Variants in SLC35F3 observed in about 807,000 individuals in gnomAD.
The protein encoded by SLC35F3 is putative thiamine transporter SLC35F3.
Under a neutral mutation model 49.9 loss-of-function variants are expected in SLC35F3, and 25 were observed. The observed-to-expected ratio is 0.50, with a 90% CI of 0.37 to 0.70. SLC35F3 has a LOEUF of 0.70. Ranked by LOEUF, SLC35F3 falls within the 30% of genes least tolerant of loss-of-function variation. The pLI is 0.00. For synonymous variants in SLC35F3, 275 were observed against 265.4 expected (o/e 1.04, Z -0.35); for missense variants, 525 against 639.8 (o/e 0.82, Z 1.94).
intron 2 of SLC35F3, among the ~76,000 whole-genome samples, chr1:234,177,680 T>C (rs1666496907): frequency 6.6e-6 from 1 of 152,060 alleles, no homozygotes; most frequent in South Asian, 2.1e-4. Flanking sequence ...CTGTTTAAGG[T>C]AGAAGTTAGG....
intron 2 of SLC35F3, among the ~76,000 whole-genome samples, chr1:234,034,355 T>C (rs1357873630): frequency 6.6e-6 from 1 of 152,196 alleles, no homozygotes; most frequent in Non-Finnish European, 1.5e-5. Context: ...GTCTGATTGT[T>C]CCAGCTAGGA....
chr1:234,079,948 T>G (rs1023025782), intron 2 of SLC35F3, among the ~76,000 whole-genome samples: 4 of 152,138 alleles, frequency 2.6e-5, no homozygotes, highest in Non-Finnish European at 4.4e-5. Flanking sequence ...ATTTCTTGAG[T>G]GATGGGGTGA....
intron 2 of SLC35F3, among the ~76,000 whole-genome samples, chr1:234,077,147 GGCGCCCGCCACC>G (rs1664804957): frequency 6.6e-6 from 1 of 151,622 alleles, no homozygotes; most frequent in South Asian, 2.1e-4. Context: ...TGGGACTACA[GGCGCCCGCCACC>G]GCGCCCGGCT....
intron 3 of SLC35F3, among the ~76,000 whole-genome samples, chr1:234,295,829 G>A (rs746642813): frequency 6.6e-6 from 1 of 152,216 alleles, no homozygotes. Context: ...CCCATTCTGG[G>A]ACTCTGACGG....
At chr1:234,264,909 C>G (rs766937441) in intron 3 of SLC35F3, among the ~76,000 whole-genome samples, 3 of 152,228 alleles carry the variant, frequency 2.0e-5, no homozygotes, top group Non-Finnish European at 4.4e-5. Flanking sequence ...ACCTGGGACA[C>G]TGAACTTTTT....
intron 2 of SLC35F3, among the ~76,000 whole-genome samples, chr1:234,055,396 C>T (rs552286850): frequency 6.6e-6 from 1 of 152,144 alleles, no homozygotes; most frequent in African/African-American, 2.4e-5. Flanking sequence ...CCTTGCAGTT[C>T]GATTTCAGAC....
intron 2 of SLC35F3, among the ~76,000 whole-genome samples, chr1:233,929,603 T>C (rs1662211142): frequency 6.6e-6 from 1 of 152,218 alleles, no homozygotes; most frequent in African/African-American, 2.4e-5. Context: ...GGATTAATTA[T>C]GTTGAACACT....
chr1:233,951,647 T>A (rs1291261673), intron 2 of SLC35F3, among the ~76,000 whole-genome samples: 1 of 152,164 alleles, frequency 6.6e-6, no homozygotes, highest in East Asian at 1.9e-4. Context: ...GTCTCAGAGC[T>A]GACTCTTCTG....
chr1:234,163,809 A>C (rs898869768), intron 2 of SLC35F3, among the ~76,000 whole-genome samples: 1 of 151,994 alleles, frequency 6.6e-6, no homozygotes, highest in East Asian at 1.9e-4. Context: ...TCTCTTCCAG[A>C]TCTGCCATGC....
At chr1:234,230,290 A>G (rs1453094820) in intron 2 of SLC35F3, among the ~76,000 whole-genome samples, 1 of 152,230 alleles carries the variant, frequency 6.6e-6, no homozygotes, top group African/African-American at 2.4e-5. Context: ...TAGACTCATA[A>G]TGCTTCAGAA....
intron 2 of SLC35F3, among the ~76,000 whole-genome samples, chr1:233,971,758 C>T (rs1662997284): frequency 6.6e-6 from 1 of 150,926 alleles, no homozygotes; most frequent in Non-Finnish European, 1.5e-5. Context: ...CCTCTGCTGA[C>T]TCCCTTGTGG....
At chr1:234,237,929 C>T (rs1378229019) in intron 3 of SLC35F3, among the ~76,000 whole-genome samples, 1 of 152,154 alleles carries the variant, frequency 6.6e-6, no homozygotes, top group Non-Finnish European at 1.5e-5. Context: ...GTCTCATACT[C>T]CTGCTCTCAA....
At chr1:234,154,402 A>G (rs1238921391) in intron 2 of SLC35F3, among the ~76,000 whole-genome samples, 1 of 152,228 alleles carries the variant, frequency 6.6e-6, no homozygotes, top group South Asian at 2.1e-4. Context: ...CCATCTATCT[A>G]TTGGCATACA....
intron 3 of SLC35F3, among the ~76,000 whole-genome samples, chr1:234,267,627 C>T (rs1373148637): frequency 1.3e-4 from 20 of 149,274 alleles, no homozygotes; most frequent in African/African-American, 4.7e-4. Flanking sequence ...GCTGGCCAGG[C>T]GGGGGGCTGA....
rs781469880 is a variant in SLC35F3 at position 234,081,904 on chromosome 1, A to ATTTTTTTTTTTTTTTTTTTTT, written c.284-149501_284-149481dup. 1.8e-4 allele frequency among the ~76,000 whole-genome samples: 7 copies of ATTTTTTTTTTTTTTTTTTTTT among 39,232 alleles called. 1 individual carries two copies. The highest frequency in any genetic ancestry group is 2.5e-4 in the Non-Finnish European group (6 of 24,366). The allele number at this position is 39,232 out of a possible 152,430, so 25.7% of individuals were successfully genotyped here. On this transcript the variant is annotated intron_variant, in intron 2 of 7. Transcript: ENST00000366618. The stretch of plus-strand genomic sequence containing the variant: ...AGGCGCCTGCCACCATGCCTGGCTA[A>ATTTTTTTTTTTTTTTTTTTTT]TTTTTTTTTTTTTTTTTTTTTTTTT...
chr1:234,108,502 T>C (rs1347992774), intron 2 of SLC35F3, among the ~76,000 whole-genome samples: 18 of 113,646 alleles, frequency 1.6e-4, no homozygotes, highest in African/African-American at 6.4e-4. Context: ...ATATTATTTA[T>C]ATATATAAAT....
chr1:233,986,577 A>C (rs571619151), intron 2 of SLC35F3, among the ~76,000 whole-genome samples: 2 of 152,296 alleles, frequency 1.3e-5, no homozygotes, highest in Non-Finnish European at 2.9e-5. Flanking sequence ...ACATATGTTT[A>C]TGTGTATCTG....
At chr1:233,927,455 ACT>A (rs1193382261) in intron 2 of SLC35F3, among the ~76,000 whole-genome samples, 2 of 152,062 alleles carry the variant, frequency 1.3e-5, no homozygotes, top group Non-Finnish European at 2.9e-5. Context: ...TTGATGCTAA[ACT>A]CTCTCATTCT....
At chr1:234,049,240 G>A (rs147688583) in intron 2 of SLC35F3, among the ~76,000 whole-genome samples, 64 of 152,236 alleles carry the variant, frequency 4.2e-4, no homozygotes, top group Non-Finnish European at 7.4e-4. Flanking sequence ...CAATACATAT[G>A]TAAATAATTA....
Sources: allele counts gnomAD v4.1 joint callset (sites outside exome capture counted in the v4.1 genomes callset), GRCh38; gene constraint gnomAD v4.1.1; transcripts MANE v1.5; gene names NCBI Gene and HGNC (gene_info 2026-07-23, HGNC 2026-07-21).